SGO1: variants seen among roughly 807,000 people sequenced by gnomAD.
SGO1 encodes serologically defined breast cancer antigen NY-BR-85.
SGO1 carries 39 observed loss-of-function variants against 50.5 expected under a neutral mutation model. The observed-to-expected ratio is 0.77, with a 90% CI of 0.60 to 1.01. The LOEUF is 1.01. Ranked by LOEUF, SGO1 falls within the 50% of genes least tolerant of loss-of-function variation. SGO1 has a pLI of 0.00. For missense variants in SGO1, 638 were observed against 606.0 expected (o/e 1.05, Z -0.55); for synonymous variants, 191 against 205.1 (o/e 0.93, Z 0.59).
chr3:20,170,626 T>C lies in SGO1; in HGVS notation c.*78A>G. On this transcript the variant is annotated 3_prime_UTR_variant, in exon 8 of 8. Transcript: ENST00000412997. The stretch of plus-strand genomic sequence containing the variant: ...ATTCTATGGCAATGGCTCACTCTGT[T>C]TGTGTACTCTTACAGATCCTCTCCT... 1 of 1,444,194 alleles carries C rather than the reference T, an allele frequency of 6.9e-7. No individual in the cohort carries two copies. Among genetic ancestry groups the C allele is most frequent in the Non-Finnish European group, 9.0e-7 (1 of 1,106,538 alleles). The allele number at this position is 1,444,194 out of a possible 1,614,324, so 89.5% of individuals were successfully genotyped here.
intron 5 of SGO1, 79 bp downstream of exon 5, chr3:20,176,522 G>T (rs1701407555): frequency 2.3e-6 from 2 of 867,870 alleles, no homozygotes; most frequent in Non-Finnish European, 1.8e-6. Context: ...AAAAGAATTA[G>T]ATAAATTTAA....
chr3:20,169,502 T>A lies in SGO1; in HGVS notation c.*1202A>T. 2.0e-6 allele frequency: 2 copies of A among 980,360 alleles called. No homozygotes were observed. The highest frequency in any genetic ancestry group is 2.4e-6 in the Non-Finnish European group (2 of 825,280). 60.7% of individuals were successfully genotyped at this position (980,360 alleles called of 1,614,324 possible). On this transcript the variant is annotated 3_prime_UTR_variant, in exon 8 of 8. Coordinates refer to ENST00000412997, the MANE Select transcript of SGO1 (RefSeq NM_001199251.3). ...CAATCACTATCTTATACAAACTTTA[T>A]TGCTCTTTAAAAATGAATAACCTAC... is the stretch of plus-strand genomic sequence containing the variant.
At chr3:20,175,532 T>TA (rs1701281157) in intron 5 of SGO1, among the ~76,000 whole-genome samples, 1 of 152,102 alleles carries the variant, frequency 6.6e-6, no homozygotes, top group Non-Finnish European at 1.5e-5. Flanking sequence ...CACGGTGGCT[T>TA]ACGCTTGTAA....
chr3:20,162,493 C>T (rs142374575), intron 8 of SGO1, among the ~76,000 whole-genome samples: 222 of 152,112 alleles, frequency 1.5e-3, no homozygotes, highest in Admixed American at 2.2e-3. Flanking sequence ...CCTGACAAAA[C>T]GAAGTTAACT....
At chr3:20,161,617 G>A (rs1700043365) in intron 8 of SGO1, among the ~76,000 whole-genome samples, 1 of 152,002 alleles carries the variant, frequency 6.6e-6, no homozygotes, top group South Asian at 2.1e-4. Context: ...TGGTCACTGA[G>A]GCATCCCAAG....
chr3:20,161,230 G>A (rs1418161948), intron 8 of SGO1: 3 of 1,567,470 alleles, frequency 1.9e-6, no homozygotes, highest in Admixed American at 2.0e-5. Context: ...AGGGCTCCTG[G>A]TAAAAGCAAA....
downstream of SGO1, chr3:20,169,266 T>A (rs904483975): frequency 2.3e-5 from 23 of 984,884 alleles, no homozygotes; most frequent in African/African-American, 1.9e-4. Flanking sequence ...CAGAGATAAG[T>A]TGGGAGAGAG....
chr3:20,166,458 T>G (rs2125237451), downstream of SGO1, among the ~76,000 whole-genome samples: 1 of 152,304 alleles, frequency 6.6e-6, no homozygotes, highest in Non-Finnish European at 1.5e-5. Context: ...TTGCGATTAT[T>G]ATGCTAACTA....
rs368693373 is a variant in SGO1, at chr3:20,183,818, A to C, written c.143-14T>G. On this transcript the variant is annotated splice_polypyrimidine_tract_variant and intron_variant, in intron 2 of 7. Coordinates refer to ENST00000412997, the MANE Select transcript of SGO1 (RefSeq NM_001199251.3). Reference sequence around the variant, plus strand: ...TAGAAGTGTTGGCTAAAAGAGGATAAAAAAATTTATCAGTTATTAAATCTA... The same window carrying C: ...TAGAAGTGTTGGCTAAAAGAGGATACAAAAATTTATCAGTTATTAAATCTA... 3.2e-5 allele frequency: 51 copies of C among 1,600,900 alleles called. No individual in the cohort carries two copies. The African/African-American group carries it at 6.2e-4, about 20-fold the overall frequency.
At chr3:20,172,792 T>TAAAAAAAAAAA (rs60411282) in intron 6 of SGO1, among the ~76,000 whole-genome samples, 3 of 98,858 alleles carry the variant, frequency 3.0e-5, no homozygotes, top group Admixed American at 1.1e-4. Flanking sequence ...TCACAAAAAG[T>TAAAAAAAAAAA]AAAAAAAAAA....
At chr3:20,181,551 CAAT>C (rs1398995254) in intron 3 of SGO1, among the ~76,000 whole-genome samples, 1 of 152,170 alleles carries the variant, frequency 6.6e-6, no homozygotes, top group African/African-American at 2.4e-5. Flanking sequence ...TAGCAACTAA[CAAT>C]GTTTTTAATA....
At position 20,170,020 on chromosome 3, in the gene SGO1, C is replaced by T. The variant is rs1409350023; in HGVS notation, c.*684G>A. On this transcript the variant is annotated 3_prime_UTR_variant, in exon 8 of 8. Transcript: ENST00000412997. ...TAGAAAATCATTCACTTTAGTATCC[C>T]CTACTTAAGGGAAAAATAGAGATGC... 1 of 984,722 alleles carries T rather than the reference C, an allele frequency of 1.0e-6. No homozygotes were observed. The highest frequency in any genetic ancestry group is 1.2e-6 in the Non-Finnish European group (1 of 829,494). The allele number at this position is 984,722 out of a possible 1,614,324, so 61.0% of individuals were successfully genotyped here.
chr3:20,162,483 C>G (rs137910936), intron 8 of SGO1, among the ~76,000 whole-genome samples: 25 of 152,170 alleles, frequency 1.6e-4, no homozygotes, highest in Admixed American at 1.3e-4. Flanking sequence ...AACTTAATTG[C>G]CTGACAAAAC....
chr3:20,173,041 A>T (rs898555124), intron 6 of SGO1, among the ~76,000 whole-genome samples: 1 of 152,168 alleles, frequency 6.6e-6, no homozygotes, highest in Non-Finnish European at 1.5e-5. Flanking sequence ...GATGGCAATA[A>T]CAGTATAATA....
In SGO1 at chr3:20,161,060, T is replaced by C. The variant is rs370945018; in HGVS notation, c.*45A>G. The C allele has an allele frequency of 3.8e-5, 62 of 1,612,502 alleles. No homozygotes were observed. The Middle Eastern group carries it at 5.0e-4, about 13-fold the overall frequency. ...TTAAAGGTCTGCATACATTAGTGAA[T>C]GCATGGACTAAAAAAGTTTTCTAAG... On this transcript the variant is annotated 3_prime_UTR_variant, in exon 9 of 9. Coordinates refer to the SGO1 transcript ENST00000263753.
At position 20,174,285 on chromosome 3, in the gene SGO1, C is replaced by G; in HGVS notation, c.1246G>C (p.Glu416Gln). ...TTTGTTGGCTTAGAACCCTCCGTCT[C>G]TTTTTCATCTGTGTATTTCAGTGCT... ...KRALKYTDEK[E>Q]TEGSKPTKTP... The change falls in exon 6 of 8, where the codon GAG (glutamate) becomes CAG (glutamine). Residue 416 changes from glutamate (E) to glutamine (Q), a missense_variant. Transcript: ENST00000412997. 1 of 1,614,122 alleles carries G rather than the reference C, an allele frequency of 6.2e-7. No homozygotes were observed. Among genetic ancestry groups the G allele is most frequent in the Non-Finnish European group, 8.5e-7 (1 of 1,180,008 alleles).
intron 3 of SGO1, among the ~76,000 whole-genome samples, chr3:20,179,512 AC>A (rs1277793894): frequency 6.9e-6 from 1 of 144,514 alleles, no homozygotes; most frequent in East Asian, 2.3e-4. Context: ...GCAGCCTTGA[AC>A]TCCTGGGCAC....
intron 3 of SGO1, among the ~76,000 whole-genome samples, chr3:20,181,512 A>G (rs967239834): frequency 6.6e-6 from 1 of 152,214 alleles, no homozygotes; most frequent in Middle Eastern, 3.2e-3. Context: ...AGAAACAATG[A>G]CCTTCTAAAT....
exon 9 of SGO1, chr3:20,160,939 A>T: frequency 1.0e-6 from 1 of 1,001,798 alleles, no homozygotes; most frequent in Non-Finnish European, 1.4e-6. Context: ...TGCTATCTCT[A>T]ATTAAAGGGC....
Sources: gnomAD v4.1 joint callset for allele counts (sites outside exome capture counted in the v4.1 genomes callset) on GRCh38, gnomAD v4.1.1 for gene constraint, MANE v1.5 for transcripts, NCBI Gene and HGNC (gene_info 2026-07-23, HGNC 2026-07-21) for gene names.